The following SLC41A3 variants were observed in gnomAD, a reference collection of about 807,000 sequenced individuals.
The protein encoded by SLC41A3 is solute carrier family 41 member 3.
SLC41A3 carries 44 observed loss-of-function variants against 45.4 expected under a neutral mutation model. The ratio of observed to expected loss-of-function variants is 0.97; its 90% CI spans 0.76 to 1.25. The LOEUF (loss-of-function observed/expected upper bound fraction) is 1.25, where lower values mean the gene tolerates loss of function less well. Among genes scored for constraint, SLC41A3 ranks in the 50% most tolerant of loss-of-function variants. The pLI, the probability that SLC41A3 is intolerant of heterozygous loss-of-function variation, is 0.00. For synonymous variants in SLC41A3, 256 were observed against 252.4 expected (o/e 1.01, Z -0.13); for missense variants, 550 against 600.6 (o/e 0.92, Z 0.88).
upstream of SLC41A3, among the ~76,000 whole-genome samples, chr3:126,086,539 T>C (rs1310342014): frequency 7.0e-6 from 1 of 143,184 alleles, no homozygotes. Context: ...TGTGTGTGTG[T>C]ATTTAAAAGG....
At chr3:126,054,537 A>C (rs145035074) in intron 2 of SLC41A3, among the ~76,000 whole-genome samples, 1,852 of 152,220 alleles carry the variant, frequency 0.012, 43 homozygotes, top group African/African-American at 0.04. Flanking sequence ...TCCCCATGAC[A>C]GCGGCCACCC....
At chr3:126,041,132 G>A (rs1006225805) in intron 3 of SLC41A3, among the ~76,000 whole-genome samples, 2 of 152,134 alleles carry the variant, frequency 1.3e-5, no homozygotes, top group African/African-American at 4.8e-5. Context: ...AAGAGACAGA[G>A]TGATGAAGAG....
chr3:126,021,785 T>C (rs6801192), intron 6 of SLC41A3, among the ~76,000 whole-genome samples: 8,285 of 152,258 alleles, frequency 0.054, 706 homozygotes, highest in African/African-American at 0.18. Context: ...AGTGGGAGCA[T>C]AGATTCAAGT....
intron 3 of SLC41A3, among the ~76,000 whole-genome samples, chr3:126,036,670 T>A (rs879667333): frequency 1.3e-5 from 2 of 152,180 alleles, no homozygotes; most frequent in African/African-American, 2.4e-5. Flanking sequence ...CCCACCTGTA[T>A]ATCACCTCTC....
chr3:126,025,957 G>C (rs989345423), intron 5 of SLC41A3, among the ~76,000 whole-genome samples: 2 of 152,220 alleles, frequency 1.3e-5, no homozygotes, highest in Admixed American at 1.3e-4. Context: ...CTGTGTGTAA[G>C]GTCATGCTCA....
rs59367324 is a variant in SLC41A3 at position 126,046,065 on chromosome 3, C to CA, written c.381+4877_381+4878insT. Among the ~76,000 whole-genome samples, 369 of 146,098 alleles carry CA rather than the reference C, an allele frequency of 2.5e-3. 5 individuals carry two copies. Among genetic ancestry groups the CA allele is most frequent in the East Asian group, 0.023 (113 of 4,840 alleles). On this transcript the variant is annotated intron_variant, in intron 3 of 10. Transcript: ENST00000360370. The stretch of plus-strand genomic sequence containing the variant: ...TTTCTGTGATTAAAAAAAAAAAACA[C>CA]CCAACAAACTAGAAATAAAAGGAAA...
At chr3:126,072,104 G>A (rs1190816524) in intron 1 of SLC41A3, among the ~76,000 whole-genome samples, 1 of 151,914 alleles carries the variant, frequency 6.6e-6, no homozygotes, top group Admixed American at 6.6e-5. Context: ...ATGGGTCAAA[G>A]ACAAAAATCA....
At chr3:126,068,548 A>G (rs530851802) in intron 1 of SLC41A3, among the ~76,000 whole-genome samples, 22 of 152,328 alleles carry the variant, frequency 1.4e-4, no homozygotes, top group Middle Eastern at 3.4e-3. Context: ...AACCCAGCAA[A>G]AACTGTCAAA....
chr3:126,083,348 A>T (rs762883473), intron 1 of SLC41A3, among the ~76,000 whole-genome samples: 24 of 152,216 alleles, frequency 1.6e-4, no homozygotes, highest in Non-Finnish European at 2.9e-4. Flanking sequence ...AAAGCCTTCT[A>T]AAAAAAAGTG....
chr3:126,059,354 T>TAACAAGGGCAC (rs1943935409), intron 2 of SLC41A3, among the ~76,000 whole-genome samples: 1 of 151,282 alleles, frequency 6.6e-6, no homozygotes, highest in African/African-American at 2.4e-5. Flanking sequence ...ACCCAGGGCA[T>TAACAAGGGCAC]AACAAGGGCA....
intron 3 of SLC41A3, 194 bp downstream of exon 3, chr3:126,050,749 T>C: frequency 9.9e-7 from 1 of 1,008,752 alleles, no homozygotes; most frequent in Non-Finnish European, 1.3e-6. Context: ...CCCTCAGTCA[T>C]CCAGTTTGGT....
intron 1 of SLC41A3, among the ~76,000 whole-genome samples, chr3:126,076,671 T>C (rs1944893034): frequency 6.6e-6 from 1 of 152,222 alleles, no homozygotes; most frequent in Admixed American, 6.5e-5. Context: ...TGAGCCCCTC[T>C]CTGATAACAA....
At chr3:126,086,408 G>GGTTTT (rs776330275), upstream of SLC41A3, among the ~76,000 whole-genome samples, 339 of 21,150 alleles carry the variant, frequency 0.016, 15 homozygotes, top group Non-Finnish European at 0.03. Context: ...TTGTTTTCTT[G>GGTTTT]TTTTTTTTTT....
intron 9 of SLC41A3, among the ~76,000 whole-genome samples, chr3:126,010,513 G>C (rs1312409763): frequency 6.6e-6 from 1 of 152,184 alleles, no homozygotes; most frequent in East Asian, 1.9e-4. Context: ...TTTCACCAAA[G>C]GCCAGGAAAG....
At chr3:126,020,899 T>C (rs1466027012) in intron 6 of SLC41A3, among the ~76,000 whole-genome samples, 2 of 151,894 alleles carry the variant, frequency 1.3e-5, no homozygotes, top group Non-Finnish European at 2.9e-5. Context: ...TAGAGTTTTT[T>C]TTTTTCTTTT....
At chr3:126,013,562 C>CA (rs11360581) in intron 8 of SLC41A3, among the ~76,000 whole-genome samples, 5,597 of 129,566 alleles carry the variant, frequency 0.043, 117 homozygotes, top group Non-Finnish European at 0.059. Context: ...GACTCTGTCT[C>CA]AAAAAAAAAA....
At chr3:126,079,279 GACACACACACACAC>G (rs63354060) in intron 1 of SLC41A3, among the ~76,000 whole-genome samples, 8 of 146,018 alleles carry the variant, frequency 5.5e-5, no homozygotes, top group Admixed American at 5.5e-4. Flanking sequence ...AAGGGTAAGG[GACACACACACACAC>G]ACACACACAC....
At position 126,008,772 on chromosome 3, in the gene SLC41A3, T is replaced by A. The variant is rs753556925; in HGVS notation, c.1214A>T (p.Gln405Leu). ...CAGCAGGTAGAGCACCACAAAGGTCTGGCTGTTTATGACTGACTGACCCTC... is the reference window on the plus strand; with the variant it reads ...CAGCAGGTAGAGCACCACAAAGGTCAGGCTGTTTATGACTGACTGACCCTC... ...LVEGQSVINSQTFVVLYLLAG... is the reference protein window; with the variant it reads ...LVEGQSVINSLTFVVLYLLAG... Residue 405 changes from glutamine (Q) to leucine (L), a missense_variant, in exon 10 of 11, where the codon CAG becomes CTG. Transcript: ENST00000360370. 38 of 1,614,032 alleles carry A rather than the reference T, an allele frequency of 2.4e-5. No individual in the cohort carries two copies. The highest frequency in any genetic ancestry group is 3.3e-4 in the Middle Eastern group (2 of 6,084).
At chr3:126,067,777 GTC>G (rs1944424330) in intron 2 of SLC41A3, among the ~76,000 whole-genome samples, 168 bp downstream of exon 2, 1 of 151,898 alleles carries the variant, frequency 6.6e-6, no homozygotes, top group African/African-American at 2.4e-5. Flanking sequence ...GTTAAATTTA[GTC>G]TCTGTCACCA....
Sources: gnomAD v4.1 joint callset for allele counts (sites outside exome capture counted in the v4.1 genomes callset) on GRCh38, gnomAD v4.1.1 for gene constraint, MANE v1.5 for transcripts, NCBI Gene and HGNC (gene_info 2026-07-23, HGNC 2026-07-21) for gene names.